The following NRXN1 variants were observed in gnomAD, a reference collection of about 807,000 sequenced individuals.
The protein encoded by NRXN1 is neurexin-1.
Under a neutral mutation model 150.9 loss-of-function variants are expected in NRXN1, and 39 were observed. The ratio of observed to expected loss-of-function variants is 0.26; its 90% CI spans 0.20 to 0.34. The LOEUF (loss-of-function observed/expected upper bound fraction) is 0.34. NRXN1 is among the 10% of genes least tolerant of loss of function. The probability of loss-of-function intolerance (pLI) is 1.00; values close to 1 mark genes in which losing one functional copy is unlikely to be tolerated. For missense variants in NRXN1, 1,815 were observed against 1,949.9 expected, an observed-to-expected ratio of 0.93 and a Z score of 1.30; for synonymous variants, 924 against 757.0, an observed-to-expected ratio of 1.22 and a Z score of -3.62.
intron 22 of NRXN1, among the ~76,000 whole-genome samples, chr2:49,926,065 GA>G (rs1218520794): frequency 6.6e-6 from 1 of 152,234 alleles, no homozygotes; most frequent in Non-Finnish European, 1.5e-5. Flanking sequence ...AGGAGAGCAA[GA>G]ATGCACACCT....
At chr2:50,769,123 C>T (rs1230696322) in intron 5 of NRXN1, among the ~76,000 whole-genome samples, 1 of 151,998 alleles carries the variant, frequency 6.6e-6, no homozygotes, top group Non-Finnish European at 1.5e-5. Flanking sequence ...TTTGACAATG[C>T]TGGGGGATAA....
intron 17 of NRXN1, among the ~76,000 whole-genome samples, chr2:50,459,637 T>C (rs1276200363): frequency 6.6e-6 from 1 of 152,150 alleles, no homozygotes; most frequent in Admixed American, 6.6e-5. Context: ...ACAAAAGACA[T>C]TATCTCATTT....
chr2:50,320,186 G>T (rs755688255), intron 17 of NRXN1, among the ~76,000 whole-genome samples: 4 of 150,222 alleles, frequency 2.7e-5, no homozygotes, highest in African/African-American at 7.3e-5. Context: ...CTAATGAGAA[G>T]GGTCTTGAAT....
intron 5 of NRXN1, among the ~76,000 whole-genome samples, chr2:50,683,192 G>A (rs375701780): frequency 4.5e-4 from 69 of 151,930 alleles, no homozygotes; most frequent in South Asian, 1.9e-3. Context: ...TATTGCTGAC[G>A]GTATTTTAAT....
chr2:50,854,656 T>C (rs772636919), intron 5 of NRXN1, among the ~76,000 whole-genome samples: 4 of 152,066 alleles, frequency 2.6e-5, no homozygotes, highest in Non-Finnish European at 5.9e-5. Context: ...TTTGCTTTTC[T>C]GACTACTATT....
rs143184092 is a variant in NRXN1 at position 50,286,201 on chromosome 2, C to T, written c.3365-49231G>A. ...AACACAATGTATTGTTAACTGCAGT[C>T]ACCATGTACAATAGATCTCTTGAAC... On this transcript the variant is annotated intron_variant, in intron 17 of 22. Coordinates refer to ENST00000401669, the MANE Select transcript of NRXN1 (RefSeq NM_001330078.2). Among the ~76,000 whole-genome samples the T allele has an allele frequency of 2.1e-4, 32 of 152,214 alleles. No homozygotes were observed. In the East Asian group the frequency reaches 5.6e-3, roughly 27 times the overall value.
At chr2:50,006,793 C>G (rs188593633) in intron 21 of NRXN1, among the ~76,000 whole-genome samples, 1 of 152,218 alleles carries the variant, frequency 6.6e-6, no homozygotes, top group East Asian at 1.9e-4. Context: ...TGATTCAAAT[C>G]CCCCTCTCTG....
In NRXN1 at chr2:51,028,022, C is replaced by A. The variant is rs886042465; in HGVS notation, c.252G>T (p.Thr84=). ...AGCTGAGCTGCAGGCGGCCGCCGCG[C>A]GTCAGAATCAGCTCCAGGAAGTCGC... ...GFCDFLELIL[T]RGGRLQLSFS... Residue 84 remains threonine, a synonymous_variant, in exon 2 of 23, where the codon ACG becomes ACT. Transcript: ENST00000401669. 4 of 1,599,486 alleles carry A rather than the reference C, an allele frequency of 2.5e-6. No homozygotes were observed. The highest frequency in any genetic ancestry group is 3.4e-6 in the Non-Finnish European group (4 of 1,177,652).
chr2:50,861,983 C>A (rs1242365107), intron 5 of NRXN1, among the ~76,000 whole-genome samples: 1 of 151,840 alleles, frequency 6.6e-6, no homozygotes, highest in Non-Finnish European at 1.5e-5. Context: ...GGGCAGATTA[C>A]CTGAGGTCAC....
At chr2:50,358,662 A>G (rs1404068905) in intron 17 of NRXN1, among the ~76,000 whole-genome samples, 1 of 152,222 alleles carries the variant, frequency 6.6e-6, no homozygotes, top group African/African-American at 2.4e-5. Context: ...AGCTTCAGCC[A>G]ACTTACCCAC....
chr2:50,256,908 G>C (rs542943217), intron 17 of NRXN1, among the ~76,000 whole-genome samples: 3 of 152,168 alleles, frequency 2.0e-5, no homozygotes, highest in African/African-American at 7.2e-5. Context: ...GTTGAGAACT[G>C]TACAATCCTA....
At chr2:50,131,586 C>T (rs1705501092) in intron 18 of NRXN1, among the ~76,000 whole-genome samples, 1 of 152,158 alleles carries the variant, frequency 6.6e-6, no homozygotes. Flanking sequence ...AATGTTTCTT[C>T]AATATACGAA....
At chr2:50,859,843 TG>T (rs1675862601) in intron 5 of NRXN1, among the ~76,000 whole-genome samples, 1 of 47,420 alleles carries the variant, frequency 2.1e-5, no homozygotes, top group African/African-American at 5.4e-5. Flanking sequence ...TATGTTTGTG[TG>T]TGTGTGTGTG....
chr2:50,700,149 T>G (rs768867752), intron 5 of NRXN1, among the ~76,000 whole-genome samples: 43 of 152,328 alleles, frequency 2.8e-4, no homozygotes, highest in South Asian at 6.2e-4. Flanking sequence ...ATTCTTAAAA[T>G]TTTTGAGCAG....
chr2:51,009,445 G>C (rs1401011948), intron 2 of NRXN1, among the ~76,000 whole-genome samples: 2 of 152,042 alleles, frequency 1.3e-5, no homozygotes, highest in East Asian at 1.9e-4. Flanking sequence ...TTCTAGTGTA[G>C]CATAATATAT....
At chr2:50,373,434 C>T (rs1008735922) in intron 17 of NRXN1, among the ~76,000 whole-genome samples, 1 of 149,710 alleles carries the variant, frequency 6.7e-6, no homozygotes, top group African/African-American at 2.5e-5. Context: ...TCTAATTGAA[C>T]TCTTCTGCTC....
At position 50,552,813 on chromosome 2, in the gene NRXN1, T is replaced by G. The variant is rs1303371275; in HGVS notation, c.1533A>C (p.Thr511=). The G allele has an allele frequency of 1.9e-6, 3 of 1,613,880 alleles. No individual in the cohort carries two copies. The highest frequency in any genetic ancestry group is 2.5e-6 in the Non-Finnish European group (3 of 1,179,866). ...TGSISFDFRT[T]EPNGLILFSH... is the part of the protein sequence containing the mutation. ...TAAATAAGATGAGGCCATTTGGCTC[T>G]GTTGTACGGAAATCAAATGATATGG... The change falls in exon 9 of 23, where the codon ACA becomes ACC. Residue 511 remains threonine, a synonymous_variant. Coordinates refer to ENST00000401669, the MANE Select transcript of NRXN1 (RefSeq NM_001330078.2).
chr2:50,587,549 A>G (rs1229980042), intron 8 of NRXN1, among the ~76,000 whole-genome samples: 2 of 152,156 alleles, frequency 1.3e-5, no homozygotes, highest in Admixed American at 6.5e-5. Flanking sequence ...CAAGACTCAT[A>G]CCATCGGTGA....
At chr2:49,964,789 CAAG>C (rs1305924371) in intron 21 of NRXN1, among the ~76,000 whole-genome samples, 10 of 151,996 alleles carry the variant, frequency 6.6e-5, no homozygotes, top group East Asian at 3.9e-4. Context: ...TGCAGTGAAC[CAAG>C]ATTGTGCCAT....
Sources: gnomAD v4.1 joint callset for allele counts (sites outside exome capture counted in the v4.1 genomes callset) on GRCh38, gnomAD v4.1.1 for gene constraint, MANE v1.5 for transcripts, NCBI Gene and HGNC (gene_info 2026-07-23, HGNC 2026-07-21) for gene names.